Variants in UBASH3B observed in about 807,000 individuals in gnomAD.
UBASH3B encodes ubiquitin-associated and SH3 domain-containing protein B.
UBASH3B carries 37 observed loss-of-function variants against 83.4 expected under a neutral mutation model. The observed-to-expected ratio is 0.44, with a 90% confidence interval of 0.34 to 0.58. The LOEUF is 0.58. Among genes scored for constraint, UBASH3B ranks in the 20% least tolerant of loss-of-function variants. UBASH3B has a pLI of 0.01. For synonymous variants in UBASH3B, 304 were observed against 318.3 expected (o/e 0.96, Z 0.48); for missense variants, 657 against 827.2 (o/e 0.79, Z 2.52).
chr11:122,706,122 T>C (rs1319219416), intron 1 of UBASH3B, among the ~76,000 whole-genome samples: 3 of 49,316 alleles, frequency 6.1e-5, no homozygotes, highest in African/African-American at 1.4e-4. Context: ...TTTTTTTTCT[T>C]TTTTTTTTTT....
At chr11:122,659,463 T>C (rs1863406649) in intron 1 of UBASH3B, among the ~76,000 whole-genome samples, 1 of 152,178 alleles carries the variant, frequency 6.6e-6, no homozygotes, top group African/African-American at 2.4e-5. Context: ...TTCCCTCCTC[T>C]ACTTCAACCC....
Position 122,801,275 on chromosome 11 carries a change from C to T in UBASH3B, c.1538C>T (p.Ala513Val), listed in dbSNP as rs1391854541. The T allele has an allele frequency of 1.2e-6, 2 of 1,614,208 alleles. No homozygotes were observed. The highest frequency in any genetic ancestry group is 2.2e-5 in the South Asian group (2 of 91,080). ...TKWVAGSTLP[A>V]WIPPSELAAA... ...TGGGTTGCTGGGAGCACATTACCTG[C>T]ATGGATACCTCCATCAGAGTTAGCT... Residue 513 changes from alanine to valine, a missense_variant, in exon 11 of 14, where the codon GCA (alanine) becomes GTA (valine). Coordinates refer to ENST00000284273, the MANE Select transcript of UBASH3B (RefSeq NM_032873.5).
At chr11:122,738,185 G>T (rs1429210860) in intron 1 of UBASH3B, among the ~76,000 whole-genome samples, 2 of 142,882 alleles carry the variant, frequency 1.4e-5, no homozygotes, top group Non-Finnish European at 2.9e-5. Context: ...CCTTAGACCA[G>T]TTATTTACAC....
intron 1 of UBASH3B, among the ~76,000 whole-genome samples, chr11:122,711,155 G>A (rs1014655071): frequency 4.6e-5 from 7 of 152,272 alleles, no homozygotes; most frequent in African/African-American, 1.4e-4. Context: ...TTCTCCAGAA[G>A]AGAGCCCCCA....
At position 122,673,475 on chromosome 11, in the gene UBASH3B, C is replaced by T. The variant is rs1863626521; in HGVS notation, c.161+17265C>T. Reference sequence around the variant, plus strand: ...CATCCTGGCTAACACGGTGAAACCCCGTCTCTACTAAAAATACAAAAATAA... The same window carrying T: ...CATCCTGGCTAACACGGTGAAACCCTGTCTCTACTAAAAATACAAAAATAA... On this transcript the variant is annotated intron_variant, in intron 1 of 13. Transcript: ENST00000284273. 3.9e-5 allele frequency among the ~76,000 whole-genome samples: 6 copies of T among 152,066 alleles called. No homozygotes were observed. The South Asian group carries it at 1.2e-3, about 32-fold the overall frequency.
At chr11:122,711,643 G>T (rs548995965) in intron 1 of UBASH3B, among the ~76,000 whole-genome samples, 2 of 152,238 alleles carry the variant, frequency 1.3e-5, no homozygotes, top group Non-Finnish European at 2.9e-5. Context: ...ACCTCATGCT[G>T]TGTAACGGGC....
chr11:122,724,454 G>A (rs1398828341), intron 1 of UBASH3B, among the ~76,000 whole-genome samples: 3 of 152,202 alleles, frequency 2.0e-5, no homozygotes, highest in Non-Finnish European at 4.4e-5. Flanking sequence ...CACCTTGCAG[G>A]AGTTCACAGT....
intron 1 of UBASH3B, among the ~76,000 whole-genome samples, chr11:122,704,407 C>T (rs1045123616): frequency 5.9e-5 from 9 of 152,086 alleles, no homozygotes; most frequent in African/African-American, 1.7e-4. Flanking sequence ...ATGGGGGAAC[C>T]GAAGGGCTTT....
At chr11:122,749,112 C>T (rs1289867160) in intron 1 of UBASH3B, among the ~76,000 whole-genome samples, 2 of 152,210 alleles carry the variant, frequency 1.3e-5, no homozygotes. Flanking sequence ...GAGGAAGAGC[C>T]TTCTGCTGAC....
At chr11:122,672,130 C>T (rs1290166548) in intron 1 of UBASH3B, among the ~76,000 whole-genome samples, 1 of 151,842 alleles carries the variant, frequency 6.6e-6, no homozygotes, top group African/African-American at 2.4e-5. Context: ...TTGTGTCAGG[C>T]ACCTGGGAAT....
intron 1 of UBASH3B, among the ~76,000 whole-genome samples, chr11:122,760,399 C>G (rs1861350981): frequency 6.6e-6 from 1 of 151,006 alleles, no homozygotes; most frequent in African/African-American, 2.4e-5. Context: ...CTTGCTCTGT[C>G]ACCCAGGCTA....
intron 3 of UBASH3B, among the ~76,000 whole-genome samples, chr11:122,778,390 G>T (rs996947175): frequency 1.3e-5 from 2 of 152,102 alleles, no homozygotes; most frequent in African/African-American, 4.8e-5. Flanking sequence ...GTAGGAGGAT[G>T]ATGTCACAGC....
In UBASH3B at chr11:122,674,959, C is replaced by T. The variant is rs186714580; in HGVS notation, c.161+18749C>T. On this transcript the variant is annotated intron_variant, in intron 1 of 13. Transcript: ENST00000284273. ...GGCCAGGCTGGTCTCGAACTCCTCA[C>T]CTCTGGTGATCCACCCACCTTCGTC... Among the ~76,000 whole-genome samples the T allele has an allele frequency of 7.2e-5, 11 of 152,090 alleles. No individual in the cohort carries two copies. In the East Asian group the frequency reaches 2.1e-3, roughly 29 times the overall value.
chr11:122,749,485 G>A (rs1286210984), intron 1 of UBASH3B, among the ~76,000 whole-genome samples: 1 of 152,184 alleles, frequency 6.6e-6, no homozygotes, highest in Non-Finnish European at 1.5e-5. Flanking sequence ...TGCCAACTGT[G>A]CACCACGCAT....
intron 9 of UBASH3B, 137 bp downstream of exon 9, chr11:122,797,170 C>A: frequency 8.2e-7 from 1 of 1,222,718 alleles, no homozygotes; most frequent in Non-Finnish European, 1.1e-6. Context: ...AAGGAACTTA[C>A]TACACAACCA....
At chr11:122,771,090 A>G (rs1860633677) in intron 1 of UBASH3B, among the ~76,000 whole-genome samples, 1 of 152,166 alleles carries the variant, frequency 6.6e-6, no homozygotes, top group Admixed American at 6.5e-5. Flanking sequence ...CCAGCTTTAC[A>G]GTTTTGGCCC....
chr11:122,721,059 C>G (rs1462007633), intron 1 of UBASH3B, among the ~76,000 whole-genome samples: 2 of 151,724 alleles, frequency 1.3e-5, no homozygotes, highest in African/African-American at 4.9e-5. Flanking sequence ...TCCCGGCTCA[C>G]ACGGTGAAAC....
Position 122,810,740 on chromosome 11 carries a change from C to G in UBASH3B, c.*854C>G, listed in dbSNP as rs1861432184. ...TGCATTTCTAAATCATCAATATTTG[C>G]TTGTCTTTGCCCCTAGACTCTAGAC... On this transcript the variant is annotated 3_prime_UTR_variant, in exon 14 of 14. Transcript: ENST00000284273. 1 of 152,316 alleles carries G rather than the reference C, an allele frequency of 6.6e-6. No homozygotes were observed. The highest frequency in any genetic ancestry group is 1.5e-5 in the Non-Finnish European group (1 of 68,044). The allele number at this position is 152,316 out of a possible 1,614,324, so 9.4% of individuals were successfully genotyped here. A position where few individuals can be genotyped will look rare whatever the true frequency, so the allele number is the denominator to read the frequency against.
chr11:122,678,690 G>A (rs1483771866), intron 1 of UBASH3B, among the ~76,000 whole-genome samples: 2 of 152,168 alleles, frequency 1.3e-5, no homozygotes, highest in African/African-American at 4.8e-5. Context: ...ATGGGGAGGG[G>A]CTGCCATTCC....
Sources: gnomAD v4.1 joint callset for allele counts (sites outside exome capture counted in the v4.1 genomes callset) on GRCh38, gnomAD v4.1.1 for gene constraint, MANE v1.5 for transcripts, NCBI Gene and HGNC (gene_info 2026-07-23, HGNC 2026-07-21) for gene names.